Variants in SLF2 observed in about 807,000 individuals in gnomAD.
The protein encoded by SLF2 is SMC5/6 complex localization factor 2, also known as SMC5-SMC6 complex localization factor protein 2.
SLF2 carries 68 observed loss-of-function variants against 124.3 expected under a neutral mutation model. The ratio of observed to expected loss-of-function variants is 0.55; its 90% CI spans 0.45 to 0.67. SLF2 has a LOEUF of 0.67. SLF2 is among the 30% of genes least tolerant of loss of function. The pLI is 0.00. For synonymous variants in SLF2, 480 were observed against 478.8 expected (o/e 1.00, Z -0.03); for missense variants, 1,246 against 1,373.7 (o/e 0.91, Z 1.47).
At chr10:100,913,702 C>T in intron 1 of SLF2, 2 of 996,680 alleles carry the variant, frequency 2.0e-6, no homozygotes, top group South Asian at 4.7e-5. Flanking sequence ...TGTAGTCCAG[C>T]GTGCACGCTA....
chr10:100,939,819 A>T (rs1480572866), intron 11 of SLF2, among the ~76,000 whole-genome samples: 1 of 152,256 alleles, frequency 6.6e-6, no homozygotes, highest in African/African-American at 2.4e-5. Context: ...GGTAAAGGAA[A>T]TAAAAGAGGA....
intron 12 of SLF2, among the ~76,000 whole-genome samples, chr10:100,944,461 C>T (rs1173913715): frequency 7.2e-6 from 1 of 138,926 alleles, no homozygotes; most frequent in African/African-American, 2.7e-5. Context: ...TGCCACTGCA[C>T]TCTAGCCTGG....
In SLF2 at chr10:100,965,127, A is replaced by C. The variant is rs1297872496; in HGVS notation, c.*3215A>C. On this transcript the variant is annotated 3_prime_UTR_variant, in exon 20 of 20. Coordinates refer to ENST00000238961, the MANE Select transcript of SLF2 (RefSeq NM_018121.4). The surrounding 1 kb of genome is among the most constrained non-coding windows in gnomAD (Gnocchi z 4.1). Reference sequence around the variant, plus strand: ...TGTGCTATTAAAACTGCTTTTTCTCAGTTTGAACATGTGTTTGGTAATATT... The same window carrying C: ...TGTGCTATTAAAACTGCTTTTTCTCCGTTTGAACATGTGTTTGGTAATATT... 2 of 149,652 alleles carry C rather than the reference A, an allele frequency of 1.3e-5. No homozygotes were observed. The highest frequency in any genetic ancestry group is 2.5e-5 in the African/African-American group (1 of 40,226). The allele number at this position is 149,652 out of a possible 1,614,324, so 9.3% of individuals were successfully genotyped here.
intron 10 of SLF2, 84 bp downstream of exon 10, chr10:100,937,561 T>C: frequency 1.1e-6 from 1 of 900,306 alleles, no homozygotes; most frequent in Non-Finnish European, 1.8e-6. Flanking sequence ...TAAATGTTAG[T>C]ATATTTGGAA....
At chr10:100,938,886 T>C in intron 11 of SLF2, 150 bp downstream of exon 11, 1 of 674,140 alleles carries the variant, frequency 1.5e-6, no homozygotes, top group Non-Finnish European at 2.2e-6. Flanking sequence ...TTAACATGTC[T>C]TAATCTAAAA....
intron 11 of SLF2, among the ~76,000 whole-genome samples, chr10:100,941,282 T>A (rs1489907959): frequency 6.6e-6 from 1 of 152,208 alleles, no homozygotes; most frequent in African/African-American, 2.4e-5. Flanking sequence ...AATATTTAGA[T>A]AGAGAAAATT....
intron 1 of SLF2, 88 bp downstream of exon 1, chr10:100,913,338 G>T: frequency 7.2e-7 from 1 of 1,381,520 alleles, no homozygotes; most frequent in Non-Finnish European, 9.4e-7. Flanking sequence ...TCCAGTTCCC[G>T]CCATCCTCCG....
At chr10:100,929,226 G>A in intron 6 of SLF2, 91 bp from the exon 7 acceptor site, 2 of 1,263,830 alleles carry the variant, frequency 1.6e-6, no homozygotes, top group Non-Finnish European at 1.1e-6. Flanking sequence ...ACTTAATAAG[G>A]GTTTTCTTTG....
At chr10:100,919,751 G>C (rs1849492337) in intron 4 of SLF2, among the ~76,000 whole-genome samples, 2 of 152,098 alleles carry the variant, frequency 1.3e-5, no homozygotes, top group South Asian at 2.1e-4. Context: ...ATAATAGCTG[G>C]CTTTCATTGA....
chr10:100,925,995 T>C lies in SLF2; in HGVS notation c.2018T>C (p.Val673Ala). 6.2e-7 allele frequency: 1 copy of C among 1,613,362 alleles called. No individual in the cohort carries two copies. The part of the protein sequence containing the change: ...GTYTNTLERL[V>A]KEMEDTQRLD... The stretch of plus-strand genomic sequence containing the variant: ...TACACAAATACCTTAGAACGTCTAG[T>C]GAAGGAAATGGAAGACACACAAAGG... Residue 673 changes from valine to alanine, a missense_variant, in exon 6 of 20, where the codon GTG (valine) becomes GCG (alanine). By Grantham distance (64) the Val-to-Ala change is moderately conservative (BLOSUM62 0). Transcript: ENST00000238961.
In SLF2 at chr10:100,916,569, G is replaced by T; in HGVS notation, c.185-1G>T. ...TGTATGTGTTTTAATTGGCTATTTA[G>T]ACAGACACATGTTGGATTCACCACA... is the stretch of plus-strand genomic sequence containing the variant. On this transcript the variant is annotated splice_acceptor_variant, in intron 2 of 19. Coordinates refer to ENST00000238961, the MANE Select transcript of SLF2 (RefSeq NM_018121.4). LOFTEE classifies it high-confidence loss of function. The T allele has an allele frequency of 1.5e-6, 2 of 1,347,594 alleles. No homozygotes were observed. The highest frequency in any genetic ancestry group is 5.3e-5 in the South Asian group (2 of 37,450). 83.5% of individuals were successfully genotyped at this position (1,347,594 alleles called of 1,614,324 possible).
chr10:100,941,181 T>A (rs527502178), intron 11 of SLF2, among the ~76,000 whole-genome samples: 5 of 152,012 alleles, frequency 3.3e-5, no homozygotes, highest in Non-Finnish European at 7.4e-5. Context: ...GCTTACCCAT[T>A]TTTGCTGGTG....
chr10:100,960,474 T>C (rs979444210), intron 19 of SLF2, among the ~76,000 whole-genome samples: 1 of 152,232 alleles, frequency 6.6e-6, no homozygotes, highest in African/African-American at 2.4e-5. Context: ...AAGTAGAATC[T>C]CATTGTGGTT....
chr10:100,924,729 C>G lies in SLF2; in HGVS notation c.1728C>G (p.Ala576=). The G allele has an allele frequency of 6.2e-7, 1 of 1,614,140 alleles. No individual in the cohort carries two copies. The highest frequency in any genetic ancestry group is 1.3e-5 in the African/African-American group (1 of 75,018). The part of the protein sequence containing the change: ...IPSPAAPSDK[A]PSEGESSGNS... ...GCCCTGCAGCACCTTCAGATAAAGC[C>G]CCTTCAGAAGGAGAGAGTTCAGGAA... Residue 576 remains alanine, a synonymous_variant, in exon 5 of 20, where the codon GCC becomes GCG. Coordinates refer to ENST00000238961, the MANE Select transcript of SLF2 (RefSeq NM_018121.4).
At chr10:100,921,202 C>A (rs1358087668) in intron 4 of SLF2, among the ~76,000 whole-genome samples, 1 of 152,088 alleles carries the variant, frequency 6.6e-6, no homozygotes, top group Non-Finnish European at 1.5e-5. Flanking sequence ...TAACCAATCA[C>A]CTATTAATGG....
chr10:100,919,365 T>C (rs1035577060), intron 4 of SLF2, among the ~76,000 whole-genome samples: 1 of 152,162 alleles, frequency 6.6e-6, no homozygotes, highest in African/African-American at 2.4e-5. Context: ...GTTGGTATTA[T>C]GTTGAAGATG....
chr10:100,961,947 A>C lies in SLF2; in HGVS notation c.*35A>C, dbSNP rs769995026. ...CAGCAGCAAAAATATGAACCAAGAG[A>C]AATTCAATAAGAGCCTTTCATAGAG... On this transcript the variant is annotated 3_prime_UTR_variant, in exon 20 of 20. Coordinates refer to ENST00000238961, the MANE Select transcript of SLF2 (RefSeq NM_018121.4). 1 of 1,584,664 alleles carries C rather than the reference A, an allele frequency of 6.3e-7. No individual in the cohort carries two copies. Among genetic ancestry groups the C allele is most frequent in the Admixed American group, 1.7e-5 (1 of 59,376 alleles).
intron 9 of SLF2, among the ~76,000 whole-genome samples, chr10:100,933,529 C>G (rs1849786300): frequency 6.6e-6 from 1 of 151,442 alleles, no homozygotes; most frequent in African/African-American, 2.4e-5. Context: ...AAAATCCTTG[C>G]ATTTTTGTGA....
At chr10:100,942,430 C>T (rs575790943) in intron 11 of SLF2, among the ~76,000 whole-genome samples, 6 of 152,306 alleles carry the variant, frequency 3.9e-5, no homozygotes, top group South Asian at 4.1e-4. Context: ...AGATACGTTG[C>T]GCAAGGTATG....
Sources: allele counts gnomAD v4.1 joint callset (sites outside exome capture counted in the v4.1 genomes callset), GRCh38; gene constraint gnomAD v4.1.1; non-coding constraint Gnocchi (gnomAD v3.1); transcripts MANE v1.5; gene names NCBI Gene and HGNC (gene_info 2026-07-23, HGNC 2026-07-21).